The following AGFG1 variants were observed in gnomAD, a reference collection of about 807,000 sequenced individuals.
The protein encoded by AGFG1 is ArfGAP with FG repeats 1, also known as arf-GAP domain and FG repeat-containing protein 1.
AGFG1 carries 10 observed loss-of-function variants against 60.6 expected under a neutral mutation model. The ratio of observed to expected loss-of-function variants is 0.16; its 90% CI spans 0.10 to 0.28. AGFG1 has a LOEUF of 0.28. AGFG1 is among the 10% of genes least tolerant of loss of function. AGFG1 has a pLI of 1.00. For missense variants in AGFG1, 537 were observed against 676.5 expected (o/e 0.79, Z 2.29); for synonymous variants, 247 against 242.9 (o/e 1.02, Z -0.16).
At chr2:227,539,185 G>T (rs1692404961) in intron 10 of AGFG1, among the ~76,000 whole-genome samples, 1 of 152,168 alleles carries the variant, frequency 6.6e-6, no homozygotes, top group South Asian at 2.1e-4. Context: ...GCTCATGCCT[G>T]TAATCCCAGC....
rs745570416 is a variant in AGFG1 at position 227,484,688 on chromosome 2, G to GTTTTTTTTTTTTTTTTTTT, written c.168-6844_168-6826dup. 2.0e-4 allele frequency among the ~76,000 whole-genome samples: 5 copies of GTTTTTTTTTTTTTTTTTTT among 25,090 alleles called. 1 individual carries two copies. The highest frequency in any genetic ancestry group is 3.4e-4 in the African/African-American group (3 of 8,944). The allele number at this position is 25,090 out of a possible 152,430, so 16.5% of individuals were successfully genotyped here. On this transcript the variant is annotated intron_variant, in intron 1 of 12. Coordinates refer to ENST00000310078, the MANE Select transcript of AGFG1 (RefSeq NM_004504.5). ...ATGAAGATCTCTTAGTTTTTTTTTT[G>GTTTTTTTTTTTTTTTTTTT]TTTTTTTTTTTTTTTTTTTTTTTTT...
Position 227,560,058 on chromosome 2 carries a change from C to T in AGFG1, c.*5563C>T, listed in dbSNP as rs1002198131. ...TTGTGTAGTCTTTAAGAAATGTTAT[C>T]GTTTATTTTATATATGGCTCTCTCT... On this transcript the variant is annotated 3_prime_UTR_variant, in exon 13 of 13. Transcript: ENST00000310078. 1 of 151,988 alleles carries T rather than the reference C, an allele frequency of 6.6e-6. No homozygotes were observed. The highest frequency in any genetic ancestry group is 2.1e-4 in the South Asian group (1 of 4,830). The allele number at this position is 151,988 out of a possible 1,614,324, so 9.4% of individuals were successfully genotyped here.
intron 2 of AGFG1, among the ~76,000 whole-genome samples, chr2:227,509,441 A>G (rs547039954): frequency 2.6e-5 from 4 of 152,262 alleles, no homozygotes; most frequent in Non-Finnish European, 2.9e-5. Flanking sequence ...AAAGGCCATT[A>G]TTAAGATTAC....
intron 2 of AGFG1, among the ~76,000 whole-genome samples, chr2:227,492,780 A>T (rs1690857372): frequency 6.6e-6 from 1 of 152,154 alleles, no homozygotes; most frequent in African/African-American, 2.4e-5. Flanking sequence ...TAATGTGAGT[A>T]CATTATAAGA....
At chr2:227,540,660 G>A (rs1008250428) in intron 10 of AGFG1, among the ~76,000 whole-genome samples, 1 of 152,194 alleles carries the variant, frequency 6.6e-6, no homozygotes, top group Non-Finnish European at 1.5e-5. Flanking sequence ...AAACGTACGT[G>A]TGCATGTGTC....
At chr2:227,540,213 CT>C (rs1219777834) in intron 10 of AGFG1, among the ~76,000 whole-genome samples, 129 of 127,422 alleles carry the variant, frequency 1.0e-3, no homozygotes, top group South Asian at 3.2e-3. Context: ...TTTTTTTTTA[CT>C]TTAAGTTCTA....
rs1464393949 is a variant in AGFG1, at chr2:227,552,131, T to C, written c.1537+14T>C. 1 of 1,614,044 alleles carries C rather than the reference T, an allele frequency of 6.2e-7. No homozygotes were observed. Among genetic ancestry groups the C allele is most frequent in the Admixed American group, 1.7e-5 (1 of 60,002 alleles). On this transcript the variant is annotated intron_variant, in intron 11 of 12. Transcript: ENST00000310078. The stretch of plus-strand genomic sequence containing the variant: ...AACAGCCCAATGGTAAGATCTAACA[T>C]TTGGCGAGCTGTAAGTTCATTTTAT...
chr2:227,496,623 T>C (rs897375504), intron 2 of AGFG1, among the ~76,000 whole-genome samples: 2 of 152,182 alleles, frequency 1.3e-5, no homozygotes, highest in African/African-American at 4.8e-5. Flanking sequence ...TTGTGAACCT[T>C]GGGCAAGAAG....
At chr2:227,486,880 G>A (rs980333350) in intron 1 of AGFG1, among the ~76,000 whole-genome samples, 1 of 152,206 alleles carries the variant, frequency 6.6e-6, no homozygotes, top group Admixed American at 6.5e-5. Context: ...GATGAAGGGT[G>A]CTACTGACAT....
At chr2:227,475,010 A>T (rs1415227531) in intron 1 of AGFG1, among the ~76,000 whole-genome samples, 1 of 152,200 alleles carries the variant, frequency 6.6e-6, no homozygotes, top group Non-Finnish European at 1.5e-5. Flanking sequence ...TGCCCTATAG[A>T]TGAGAAGCAT....
At chr2:227,552,587 C>G (rs971261944) in intron 11 of AGFG1, among the ~76,000 whole-genome samples, 1 of 151,118 alleles carries the variant, frequency 6.6e-6, no homozygotes, top group Non-Finnish European at 1.5e-5. Context: ...AAGATTAACT[C>G]GACATTTTTA....
Position 227,558,531 on chromosome 2 carries a change from C to T in AGFG1, c.*4036C>T, listed in dbSNP as rs1437733881. 1 of 152,036 alleles carries T rather than the reference C, an allele frequency of 6.6e-6. No individual in the cohort carries two copies. The highest frequency in any genetic ancestry group is 2.4e-5 in the African/African-American group (1 of 41,412). 9.4% of individuals were successfully genotyped at this position (152,036 alleles called of 1,614,324 possible). Reference sequence around the variant, plus strand: ...TTATTGATACAGTTTGTGGCCTATACACTTTTAAAATTTATTTTTTAAAAG... The same window carrying T: ...TTATTGATACAGTTTGTGGCCTATATACTTTTAAAATTTATTTTTTAAAAG... On this transcript the variant is annotated 3_prime_UTR_variant, in exon 13 of 13. Coordinates refer to ENST00000310078, the MANE Select transcript of AGFG1 (RefSeq NM_004504.5).
intron 2 of AGFG1, among the ~76,000 whole-genome samples, chr2:227,502,300 C>T (rs897203635): frequency 6.6e-5 from 10 of 151,990 alleles, no homozygotes; most frequent in African/African-American, 2.4e-4. Context: ...AATATTTTCT[C>T]CCAGTCTGTG....
At position 227,554,595 on chromosome 2, in the gene AGFG1, C is replaced by A; in HGVS notation, c.*100C>A. On this transcript the variant is annotated 3_prime_UTR_variant, in exon 13 of 13. Transcript: ENST00000310078. ...TTGTTTCACTGATCTTAGCTTTAAA[C>A]ACAAGAGAAGTCTTTAAAAAGCCTG... 9.6e-7 allele frequency: 1 copy of A among 1,042,392 alleles called. No individual in the cohort carries two copies. Among genetic ancestry groups the A allele is most frequent in the Non-Finnish European group, 1.4e-6 (1 of 708,554 alleles). 64.6% of individuals were successfully genotyped at this position (1,042,392 alleles called of 1,614,324 possible). A position where few individuals can be genotyped will look rare whatever the true frequency, so the allele number is the denominator to read the frequency against.
chr2:227,520,798 T>C (rs1691800830), intron 3 of AGFG1, among the ~76,000 whole-genome samples: 1 of 152,216 alleles, frequency 6.6e-6, no homozygotes, highest in African/African-American at 2.4e-5. Context: ...TAGTATTGCA[T>C]AGTGGATACT....
In AGFG1 at chr2:227,479,858, C is replaced by T. The variant is rs80312440; in HGVS notation, c.167+7270C>T. Among the ~76,000 whole-genome samples, 587 of 152,286 alleles carry T rather than the reference C, an allele frequency of 3.9e-3. 3 individuals are homozygous for T. The highest frequency in any genetic ancestry group is 6.5e-3 in the Non-Finnish European group (443 of 68,012). On this transcript the variant is annotated intron_variant, in intron 1 of 12. Transcript: ENST00000310078. ...CTATTGCTAAAGACACCTGATTGAA[C>T]ATTAGAATGAAATTCATGAGCTATT...
intron 2 of AGFG1, among the ~76,000 whole-genome samples, chr2:227,501,534 C>T (rs1691156295): frequency 6.6e-6 from 1 of 152,180 alleles, no homozygotes; most frequent in African/African-American, 2.4e-5. Context: ...CAAATATACA[C>T]ATAAACATCA....
rs71039605 is a variant in AGFG1 at position 227,544,146 on chromosome 2, C to CTT, written c.1378+7178_1378+7179dup. On this transcript the variant is annotated intron_variant, in intron 10 of 12. Coordinates refer to ENST00000310078, the MANE Select transcript of AGFG1 (RefSeq NM_004504.5). ...CTTTATCCAATTTGCCATTCTGTGT[C>CTT]TTTTTTTTTTTTTTTTTTTTTTTTT... Among the ~76,000 whole-genome samples, 49 of 75,800 alleles carry CTT rather than the reference C, an allele frequency of 6.5e-4. 1 individual carries two copies. The highest frequency in any genetic ancestry group is 2.2e-3 in the African/African-American group (39 of 17,990). The allele number at this position is 75,800 out of a possible 152,430, so 49.7% of individuals were successfully genotyped here. A position where few individuals can be genotyped will look rare whatever the true frequency, so the allele number is the denominator to read the frequency against.
At chr2:227,494,289 A>G (rs2106172625) in intron 2 of AGFG1, among the ~76,000 whole-genome samples, 1 of 152,308 alleles carries the variant, frequency 6.6e-6, no homozygotes, top group South Asian at 2.1e-4. Flanking sequence ...AAACCTTTAA[A>G]TGGTAAATAT....
Sources: allele counts gnomAD v4.1 joint callset (sites outside exome capture counted in the v4.1 genomes callset), GRCh38; gene constraint gnomAD v4.1.1; transcripts MANE v1.5; gene names NCBI Gene and HGNC (gene_info 2026-07-23, HGNC 2026-07-21).